ASCC3: variants seen among roughly 807,000 people sequenced by gnomAD.
ASCC3 encodes the protein ASC-1 complex subunit P200.
A neutral mutation model predicts 256.3 loss-of-function variants in ASCC3; 158 were observed. The ratio of observed to expected loss-of-function variants is 0.62; its 90% confidence interval spans 0.54 to 0.70. The LOEUF is 0.70. Among genes scored for constraint, ASCC3 ranks in the 30% least tolerant of loss-of-function variants. ASCC3 has a pLI of 0.00. For synonymous variants in ASCC3, 948 were observed against 883.4 expected (o/e 1.07, Z -1.30); for missense variants, 2,259 against 2,626.0 (o/e 0.86, Z 3.05).
At chr6:100,737,692 A>AT (rs1780247479) in intron 10 of ASCC3, among the ~76,000 whole-genome samples, 1 of 152,158 alleles carries the variant, frequency 6.6e-6, no homozygotes, top group Non-Finnish European at 1.5e-5. Context: ...GTGAACATAC[A>AT]TGTACATGTA....
chr6:100,734,042 T>C (rs933397733), intron 10 of ASCC3, among the ~76,000 whole-genome samples: 3 of 152,216 alleles, frequency 2.0e-5, no homozygotes. Flanking sequence ...TCCAATTTGA[T>C]GCAAATTAGT....
intron 11 of ASCC3, among the ~76,000 whole-genome samples, chr6:100,720,424 G>A (rs1056878119): frequency 1.3e-5 from 2 of 151,864 alleles, no homozygotes; most frequent in Non-Finnish European, 2.9e-5. Flanking sequence ...ATTTTCCATA[G>A]ATGGATGGGT....
At chr6:100,730,955 G>A (rs1348337931) in intron 10 of ASCC3, among the ~76,000 whole-genome samples, 1 of 152,076 alleles carries the variant, frequency 6.6e-6, no homozygotes, top group African/African-American at 2.4e-5. Flanking sequence ...AAATAAAAAT[G>A]TATTCAAGTA....
chr6:100,510,407 A>C, intron 40 of ASCC3: 28 of 319,678 alleles, frequency 8.8e-5, no homozygotes, highest in Non-Finnish European at 1.3e-4. Flanking sequence ...GCAAATTCTC[A>C]TGCTATTCCT....
At chr6:100,572,720 A>G (rs1373360958) in intron 36 of ASCC3, among the ~76,000 whole-genome samples, 2 of 152,170 alleles carry the variant, frequency 1.3e-5, no homozygotes, top group Admixed American at 1.3e-4. Context: ...TTTTTGTCCT[A>G]ATCTGTGTTA....
At chr6:100,827,666 T>C (rs1582924903) in intron 4 of ASCC3, among the ~76,000 whole-genome samples, 1 of 152,280 alleles carries the variant, frequency 6.6e-6, no homozygotes, top group Non-Finnish European at 1.5e-5. Flanking sequence ...TACTATAATG[T>C]CCAAAAAACA....
chr6:100,558,071 G>GAA (rs61091826), intron 36 of ASCC3, among the ~76,000 whole-genome samples: 3,358 of 129,510 alleles, frequency 0.026, 125 homozygotes, highest in African/African-American at 0.087. Context: ...TCACTTCTTT[G>GAA]AAAAAAAAAA....
intron 39 of ASCC3, among the ~76,000 whole-genome samples, chr6:100,513,901 A>G (rs1483036408): frequency 1.3e-5 from 2 of 151,780 alleles, no homozygotes; most frequent in African/African-American, 4.8e-5. Flanking sequence ...AAACTTCTCA[A>G]TACATTGGCT....
chr6:100,562,649 T>C (rs531462172), intron 36 of ASCC3, among the ~76,000 whole-genome samples: 13 of 152,214 alleles, frequency 8.5e-5, no homozygotes, highest in Middle Eastern at 3.4e-3. Flanking sequence ...TACTGGTCTT[T>C]ACGGAAAAGT....
At chr6:100,747,103 AAT>A (rs1212173709) in intron 10 of ASCC3, among the ~76,000 whole-genome samples, 3 of 151,550 alleles carry the variant, frequency 2.0e-5, no homozygotes, top group Non-Finnish European at 4.4e-5. Flanking sequence ...AAAAGACTTG[AAT>A]ACACACAACA....
At chr6:100,629,570 C>CA (rs1006763901) in intron 26 of ASCC3, among the ~76,000 whole-genome samples, 2 of 151,412 alleles carry the variant, frequency 1.3e-5, no homozygotes, top group South Asian at 4.2e-4. Context: ...TTTATGGAGA[C>CA]AAAAAAAGGC....
chr6:100,811,285 C>A (rs1040764548), intron 4 of ASCC3, among the ~76,000 whole-genome samples: 2 of 152,040 alleles, frequency 1.3e-5, no homozygotes, highest in South Asian at 2.1e-4. Context: ...TAAATTATAG[C>A]TCCGATAAGA....
intron 10 of ASCC3, among the ~76,000 whole-genome samples, chr6:100,729,648 A>C (rs1333541355): frequency 6.6e-6 from 1 of 152,234 alleles, no homozygotes; most frequent in Non-Finnish European, 1.5e-5. Context: ...TATACAAGTC[A>C]TATTGATATC....
intron 10 of ASCC3, among the ~76,000 whole-genome samples, chr6:100,750,556 C>T (rs1048474098): frequency 6.6e-6 from 1 of 151,800 alleles, no homozygotes. Flanking sequence ...TATCATAAGA[C>T]TCATGAAATG....
intron 16 of ASCC3, among the ~76,000 whole-genome samples, chr6:100,660,902 T>C (rs957401212): frequency 5.3e-5 from 8 of 151,714 alleles, no homozygotes; most frequent in African/African-American, 1.2e-4. Context: ...TTTTGGAATA[T>C]ACACTTCTTA....
rs116447039 is a variant in ASCC3 at position 100,586,880 on chromosome 6, T to C, written c.5550+2754A>G. 4.9e-3 allele frequency among the ~76,000 whole-genome samples: 742 copies of C among 152,270 alleles called. 5 individuals are homozygous for C. The highest frequency in any genetic ancestry group is 0.017 in the African/African-American group (709 of 41,556). ...ACTAATAAAATTTAAGGAAATATTA[T>C]GGTAAGTTCAAAGTAATACTCAAAA... On this transcript the variant is annotated intron_variant, in intron 36 of 41. Transcript: ENST00000369162.
At chr6:100,640,302 A>G (rs1337456678) in intron 24 of ASCC3, among the ~76,000 whole-genome samples, 1 of 152,186 alleles carries the variant, frequency 6.6e-6, no homozygotes, top group Non-Finnish European at 1.5e-5. Context: ...TTAGTGAAAG[A>G]TGAAGGTTTT....
At chr6:100,528,294 AG>A (rs372420556) in intron 37 of ASCC3, among the ~76,000 whole-genome samples, 37 of 152,372 alleles carry the variant, frequency 2.4e-4, no homozygotes, top group Middle Eastern at 3.4e-3. Flanking sequence ...AGAGATTAAG[AG>A]GTCAAATTAT....
At chr6:100,647,511 A>C (rs942094689) in intron 20 of ASCC3, 60 bp from the exon 21 acceptor site, 7 of 1,432,312 alleles carry the variant, frequency 4.9e-6, no homozygotes, top group Admixed American at 3.4e-5. Flanking sequence ...ATTTGTCAAT[A>C]AATCTATTAT....
Sources: allele counts gnomAD v4.1 joint callset (sites outside exome capture counted in the v4.1 genomes callset), GRCh38; gene constraint gnomAD v4.1.1; transcripts MANE v1.5; gene names NCBI Gene and HGNC (gene_info 2026-07-23, HGNC 2026-07-21).